The following NOVA1 variants were observed in gnomAD, a reference collection of about 807,000 sequenced individuals.
The protein encoded by NOVA1 is NOVA alternative splicing regulator 1, also known as RNA-binding protein Nova-1.
In NOVA1, 7 loss-of-function variants were observed where a neutral mutation model predicts 38.0. That is an observed-to-expected ratio of 0.18 (90% CI 0.10 to 0.35). The LOEUF is 0.35. Among genes scored for constraint, NOVA1 ranks in the 10% least tolerant of loss-of-function variants. The pLI, the probability that NOVA1 is intolerant of heterozygous loss-of-function variation, is 1.00. For missense variants in NOVA1, 460 were observed against 616.0 expected (o/e 0.75, Z 2.68); for synonymous variants, 270 against 232.5 (o/e 1.16, Z -1.47).
intron 2 of NOVA1, among the ~76,000 whole-genome samples, chr14:26,529,020 T>C: frequency 6.6e-6 from 1 of 152,134 alleles, no homozygotes; most frequent in Admixed American, 6.5e-5. Context: ...GATGAGGAGC[T>C]TGGCTAAGGT....
intron 2 of NOVA1, among the ~76,000 whole-genome samples, chr14:26,537,250 T>C (rs1157131709): frequency 6.6e-6 from 1 of 151,866 alleles, no homozygotes; most frequent in Non-Finnish European, 1.5e-5. Context: ...AACATGCACA[T>C]GGTAAAATAT....
intron 3 of NOVA1, among the ~76,000 whole-genome samples, chr14:26,473,772 T>A (rs909362636): frequency 1.1e-4 from 17 of 152,112 alleles, no homozygotes; most frequent in African/African-American, 3.8e-4. Flanking sequence ...TAAGTACTTC[T>A]AGGAAACCTA....
At chr14:26,548,006 T>C (rs1158296311) in intron 2 of NOVA1, among the ~76,000 whole-genome samples, 1 of 152,090 alleles carries the variant, frequency 6.6e-6, no homozygotes, top group East Asian at 1.9e-4. Context: ...GCTTCCATGA[T>C]GAATAAGATA....
At chr14:26,594,185 T>A (rs1290404169) in intron 2 of NOVA1, 1 of 151,988 alleles carries the variant, frequency 6.6e-6, no homozygotes, top group African/African-American at 2.4e-5. Context: ...TCGTGTCTAA[T>A]ATATTACTTT....
intron 2 of NOVA1, among the ~76,000 whole-genome samples, chr14:26,497,754 A>T (rs1886927407): frequency 6.6e-6 from 1 of 152,184 alleles, no homozygotes; most frequent in Non-Finnish European, 1.5e-5. Context: ...CTAGTCAAGT[A>T]AGGAGTACAA....
chr14:26,596,971 C>T (rs1216356116), intron 1 of NOVA1: 2 of 1,217,336 alleles, frequency 1.6e-6, no homozygotes, highest in Admixed American at 3.9e-5. Context: ...CCTCCTCCTC[C>T]TCCTGAATGG....
chr14:26,521,908 C>T (rs1389788125), intron 2 of NOVA1, among the ~76,000 whole-genome samples: 1 of 151,944 alleles, frequency 6.6e-6, no homozygotes, highest in African/African-American at 2.4e-5. Flanking sequence ...GCAAACAGAT[C>T]TACTAAGGAG....
chr14:26,472,334 A>T lies in NOVA1; in HGVS notation c.505T>A (p.Ser169Thr). Residue 169 changes from serine (S) to threonine (T), a missense_variant, in exon 4 of 5, where the codon TCC (serine) becomes ACC (threonine). Coordinates refer to ENST00000539517, the MANE Select transcript of NOVA1 (RefSeq NM_002515.3). ...TGATACTGTACCTGATTAGCTCTGGAGGTGGTCATGGGATCAGATGGAGAG... is the reference window on the plus strand; with the variant it reads ...TGATACTGTACCTGATTAGCTCTGGTGGTGGTCATGGGATCAGATGGAGAG... ...KSSPSDPMTT[S>T]RANQVKIIVP... is the part of the protein sequence containing the mutation. 6.3e-7 allele frequency: 1 copy of T among 1,595,684 alleles called. No individual in the cohort carries two copies. The highest frequency in any genetic ancestry group is 8.6e-7 in the Non-Finnish European group (1 of 1,166,928).
chr14:26,464,542 T>C (rs1433030023), intron 4 of NOVA1, among the ~76,000 whole-genome samples: 1 of 152,222 alleles, frequency 6.6e-6, no homozygotes, highest in Non-Finnish European at 1.5e-5. Flanking sequence ...TCTATTTACT[T>C]CATTTACCAA....
chr14:26,467,169 T>G (rs1374665406), intron 4 of NOVA1, among the ~76,000 whole-genome samples: 3 of 151,906 alleles, frequency 2.0e-5, no homozygotes, highest in Non-Finnish European at 4.4e-5. Context: ...GAGAATAAAC[T>G]AGCAAAGGAT....
chr14:26,529,788 A>C (rs1189922190), intron 2 of NOVA1, among the ~76,000 whole-genome samples: 2 of 152,116 alleles, frequency 1.3e-5, no homozygotes, highest in Admixed American at 6.5e-5. Context: ...GCAATGGGGA[A>C]TCCTAGGACT....
intron 2 of NOVA1, among the ~76,000 whole-genome samples, chr14:26,584,325 G>A (rs1048924208): frequency 2.6e-5 from 4 of 151,184 alleles, no homozygotes; most frequent in South Asian, 2.1e-4. Context: ...GAATCCAATC[G>A]TATACTCAAT....
chr14:26,516,506 T>C (rs1302187049), intron 2 of NOVA1, among the ~76,000 whole-genome samples: 3 of 152,206 alleles, frequency 2.0e-5, no homozygotes, highest in Non-Finnish European at 4.4e-5. Context: ...CATTGGCATT[T>C]AGATCTGCAA....
rs190670734 is a variant in NOVA1 at position 26,536,503 on chromosome 14, T to C, written c.281-56360A>G. Among the ~76,000 whole-genome samples the C allele has an allele frequency of 3.9e-3, 596 of 151,798 alleles. 3 individuals are homozygous for C. Among genetic ancestry groups the C allele is most frequent in the African/African-American group, 0.014 (571 of 41,378 alleles). On this transcript the variant is annotated intron_variant, in intron 2 of 4. Transcript: ENST00000539517. ...AATATATACACCTAATATGTAGCCA[T>C]AAAAATGTTAAAAAATTAAAAAAAA...
chr14:26,554,052 G>A lies in NOVA1; in HGVS notation c.280+41358C>T, dbSNP rs561815948. 1.9e-3 allele frequency among the ~76,000 whole-genome samples: 285 copies of A among 151,784 alleles called. 1 individual carries two copies. The highest frequency in any genetic ancestry group is 3.4e-3 in the Middle Eastern group (1 of 294). ...TAATCCCAGCTGCTCAGGAGGCTGA[G>A]GCAGGTGAATTACTTCAACCTGGGA... On this transcript the variant is annotated intron_variant, in intron 2 of 4. Transcript: ENST00000539517.
At chr14:26,480,518 G>C (rs1222570572) in intron 2 of NOVA1, among the ~76,000 whole-genome samples, 1 of 152,006 alleles carries the variant, frequency 6.6e-6, no homozygotes, top group Non-Finnish European at 1.5e-5. Flanking sequence ...ACTCTTCAGG[G>C]GGAAAAAAAC....
intron 2 of NOVA1, among the ~76,000 whole-genome samples, chr14:26,503,517 G>A (rs1887394610): frequency 1.3e-5 from 2 of 152,056 alleles, no homozygotes; most frequent in Admixed American, 6.6e-5. Flanking sequence ...GGAAATGTAG[G>A]AATGGATACT....
At chr14:26,566,516 T>C (rs936193181) in intron 2 of NOVA1, among the ~76,000 whole-genome samples, 1 of 152,110 alleles carries the variant, frequency 6.6e-6, no homozygotes, top group Admixed American at 6.6e-5. Context: ...TGAATATGGC[T>C]TTGAAAATAG....
chr14:26,463,718 T>G (rs1883888783), intron 4 of NOVA1, among the ~76,000 whole-genome samples: 1 of 152,218 alleles, frequency 6.6e-6, no homozygotes, highest in African/African-American at 2.4e-5. Context: ...TCTTCCTTGC[T>G]TAAGTCATCC....
Sources: gnomAD v4.1 joint callset for allele counts (sites outside exome capture counted in the v4.1 genomes callset) on GRCh38, gnomAD v4.1.1 for gene constraint, MANE v1.5 for transcripts, NCBI Gene and HGNC (gene_info 2026-07-23, HGNC 2026-07-21) for gene names.